DCC: variants seen among roughly 807,000 people sequenced by gnomAD.
The protein encoded by DCC is DCC netrin 1 receptor, also known as netrin receptor DCC.
A neutral mutation model predicts 172.5 loss-of-function variants in DCC; 58 were observed. That is an observed-to-expected ratio of 0.34 (90% CI 0.27 to 0.42). The LOEUF is 0.42. DCC is among the 10% of genes least tolerant of loss of function. DCC has a pLI of 1.00. For missense variants in DCC, 1,740 were observed against 1,791.0 expected, an observed-to-expected ratio of 0.97 and a Z score of 0.51; for synonymous variants, 709 against 644.5, an observed-to-expected ratio of 1.10 and a Z score of -1.52.
chr18:52,931,463 G>C (rs1029540809), intron 5 of DCC, among the ~76,000 whole-genome samples: 7 of 151,952 alleles, frequency 4.6e-5, no homozygotes, highest in African/African-American at 1.7e-4. Context: ...GTCCTTTCTT[G>C]TACTTAACTG....
intron 2 of DCC, among the ~76,000 whole-genome samples, chr18:52,839,807 C>T (rs1417119897): frequency 1.3e-5 from 2 of 152,122 alleles, no homozygotes; most frequent in Non-Finnish European, 2.9e-5. Flanking sequence ...TTTGTTTAGA[C>T]ATGGAAAATA....
chr18:52,839,227 C>T (rs2038763597), intron 2 of DCC, among the ~76,000 whole-genome samples: 1 of 152,138 alleles, frequency 6.6e-6, no homozygotes. Context: ...TTAATTGACA[C>T]AGAAGTTTTC....
chr18:53,344,898 AAAGG>A, intron 15 of DCC, among the ~76,000 whole-genome samples: 1 of 151,072 alleles, frequency 6.6e-6, no homozygotes, highest in Non-Finnish European at 1.5e-5. Flanking sequence ...AAAAAAAAAA[AAAGG>A]AAAGAAAAGA....
chr18:52,552,449 A>G (rs1345542226), intron 1 of DCC, among the ~76,000 whole-genome samples: 4 of 152,066 alleles, frequency 2.6e-5, no homozygotes, highest in Admixed American at 2.0e-4. Flanking sequence ...TGATTTGGGT[A>G]TGAGAAAAAT....
At chr18:53,518,789 A>G (rs2046367744) in intron 27 of DCC, among the ~76,000 whole-genome samples, 1 of 152,130 alleles carries the variant, frequency 6.6e-6, no homozygotes, top group Non-Finnish European at 1.5e-5. Flanking sequence ...GGATAGGGGA[A>G]ATTCTGCAGT....
intron 17 of DCC, among the ~76,000 whole-genome samples, chr18:53,395,081 C>T (rs887737556): frequency 6.7e-6 from 1 of 149,854 alleles, no homozygotes; most frequent in Non-Finnish European, 1.5e-5. Flanking sequence ...ACCCGAGAGG[C>T]TGAGGTTGCA....
rs1246034961 is a variant in DCC, at chr18:52,783,011, A to G, written c.412+30637A>G. 2.6e-5 allele frequency among the ~76,000 whole-genome samples: 4 copies of G among 152,088 alleles called. No individual in the cohort carries two copies. The East Asian group carries it at 5.8e-4, about 22-fold the overall frequency. On this transcript the variant is annotated intron_variant, in intron 2 of 28. Coordinates refer to ENST00000442544, the MANE Select transcript of DCC (RefSeq NM_005215.4). ...GTGCCCTGTTAGAGTAAAGGAAGCT[A>G]AAAACAAGAGATCATACTGATTCCC...
intron 12 of DCC, among the ~76,000 whole-genome samples, chr18:53,294,046 C>CT (rs925746229): frequency 6.6e-6 from 1 of 151,824 alleles, no homozygotes; most frequent in African/African-American, 2.4e-5. Flanking sequence ...TTAGTTTCTC[C>CT]TTTTTTTTCC....
intron 12 of DCC, among the ~76,000 whole-genome samples, chr18:53,269,812 A>G (rs1176791553): frequency 1.3e-5 from 2 of 152,156 alleles, no homozygotes; most frequent in African/African-American, 4.8e-5. Flanking sequence ...GAGTCAGTTT[A>G]CTCAAGTATA....
intron 12 of DCC, among the ~76,000 whole-genome samples, chr18:53,235,367 T>G (rs1462902277): frequency 1.3e-5 from 2 of 152,186 alleles, no homozygotes; most frequent in Non-Finnish European, 2.9e-5. Context: ...CCCTTTAGAA[T>G]GACATGTGAT....
intron 1 of DCC, among the ~76,000 whole-genome samples, chr18:52,397,703 G>C (rs2144365731): frequency 6.6e-6 from 1 of 152,162 alleles, no homozygotes; most frequent in Admixed American, 6.5e-5. Flanking sequence ...CAGGGTGGCT[G>C]TCACTGGAGT....
intron 1 of DCC, among the ~76,000 whole-genome samples, chr18:52,512,629 C>T (rs563421046): frequency 1.3e-5 from 2 of 152,164 alleles, no homozygotes; most frequent in African/African-American, 2.4e-5. Context: ...AAATTATGAG[C>T]GCTTAGTATT....
intron 27 of DCC, among the ~76,000 whole-genome samples, chr18:53,519,365 A>ATAAT (rs2046374029): frequency 6.6e-6 from 1 of 152,056 alleles, no homozygotes; most frequent in Non-Finnish European, 1.5e-5. Flanking sequence ...ATTGAAAATA[A>ATAAT]TAATATAGAT....
In DCC at chr18:52,980,602, AAAT is replaced by A. The variant is rs530059428; in HGVS notation, c.985+55236_985+55238del. ...TTTATTTTTAGCAATAATTCTAATAAAATAATGCAATTTTTAAAATTGTGACAT... is the reference window on the plus strand; with the variant it reads ...TTTATTTTTAGCAATAATTCTAATAAAATGCAATTTTTAAAATTGTGACAT... On this transcript the variant is annotated intron_variant, in intron 5 of 28. Transcript: ENST00000442544. Among the ~76,000 whole-genome samples, 240 of 151,884 alleles carry A rather than the reference AAAT, an allele frequency of 1.6e-3. 1 individual carries two copies. The highest frequency in any genetic ancestry group is 5.5e-3 in the African/African-American group (226 of 41,452).
At chr18:52,940,338 G>A (rs757102266) in intron 5 of DCC, among the ~76,000 whole-genome samples, 2 of 152,022 alleles carry the variant, frequency 1.3e-5, no homozygotes, top group Non-Finnish European at 2.9e-5. Context: ...TCAGAGTAGG[G>A]GTAGATAGCC....
intron 5 of DCC, among the ~76,000 whole-genome samples, chr18:52,987,012 A>C (rs1448522351): frequency 1.3e-5 from 2 of 152,088 alleles, no homozygotes; most frequent in Non-Finnish European, 2.9e-5. Context: ...TCAGTAGAGA[A>C]GGCTTCACCA....
At position 52,555,695 on chromosome 18, in the gene DCC, G is replaced by A. The variant is rs550229842; in HGVS notation, c.92-196359G>A. On this transcript the variant is annotated intron_variant, in intron 1 of 28. Transcript: ENST00000442544. ...GTACAGATTTTGGTTTGGTAATTTC[G>A]TTCTAAGAAGACTGTTTTTTAAAAA... 1.9e-4 allele frequency among the ~76,000 whole-genome samples: 29 copies of A among 152,130 alleles called. 1 individual carries two copies. The highest frequency in any genetic ancestry group is 1.2e-3 in the East Asian group (6 of 5,184).
At chr18:53,523,680 T>C (rs1314698594) in intron 27 of DCC, among the ~76,000 whole-genome samples, 1 of 152,098 alleles carries the variant, frequency 6.6e-6, no homozygotes, top group Non-Finnish European at 1.5e-5. Flanking sequence ...ACACCGCATG[T>C]TCTCACACAT....
At chr18:53,172,050 A>G (rs1173327415) in intron 8 of DCC, among the ~76,000 whole-genome samples, 1 of 152,134 alleles carries the variant, frequency 6.6e-6, no homozygotes, top group Admixed American at 6.6e-5. Flanking sequence ...TCCAAAATAA[A>G]TTAAATAATT....
Sources: gnomAD v4.1 joint callset for allele counts (sites outside exome capture counted in the v4.1 genomes callset) on GRCh38, gnomAD v4.1.1 for gene constraint, MANE v1.5 for transcripts, NCBI Gene and HGNC (gene_info 2026-07-23, HGNC 2026-07-21) for gene names.